SLTM: variants seen among roughly 807,000 people sequenced by gnomAD.
SLTM encodes SAFB like transcription modulator.
Under a neutral mutation model 134.6 loss-of-function variants are expected in SLTM, and 43 were observed. The observed-to-expected ratio is 0.32, with a 90% CI of 0.25 to 0.41. The LOEUF (loss-of-function observed/expected upper bound fraction) is 0.41, where lower values mean the gene tolerates loss of function less well. Among genes scored for constraint, SLTM ranks in the 10% least tolerant of loss-of-function variants. The probability of loss-of-function intolerance (pLI) is 1.00; values close to 1 mark genes in which losing one functional copy is unlikely to be tolerated. For synonymous variants in SLTM, 424 were observed against 432.3 expected (o/e 0.98, Z 0.24); for missense variants, 1,055 against 1,288.8 (o/e 0.82, Z 2.78).
chr15:58,896,574 A>G (rs566745050), intron 9 of SLTM, among the ~76,000 whole-genome samples: 85 of 152,210 alleles, frequency 5.6e-4, no homozygotes, highest in Middle Eastern at 6.8e-3. Context: ...AAGAAAAAAA[A>G]AAGTTTATAT....
At chr15:58,883,539 A>G (rs1185262529) in intron 20 of SLTM, 87 bp downstream of exon 20, 1 of 1,546,086 alleles carries the variant, frequency 6.5e-7, no homozygotes, top group Non-Finnish European at 8.8e-7. Context: ...AGTAGTTGCA[A>G]TTCAGTCTCT....
chr15:58,912,623 G>T lies in SLTM; in HGVS notation c.514-13C>A. The stretch of plus-strand genomic sequence containing the variant: ...GAGCTTCAATTTCCTAAGTAAAAGG[G>T]TATACAATAGCTTTGCTTTATAAAA... On this transcript the variant is annotated splice_polypyrimidine_tract_variant and intron_variant, in intron 4 of 20. Transcript: ENST00000380516. 1 of 1,591,318 alleles carries T rather than the reference G, an allele frequency of 6.3e-7. No homozygotes were observed. Among genetic ancestry groups the T allele is most frequent in the Non-Finnish European group, 8.6e-7 (1 of 1,165,380 alleles).
rs2035352595 is a variant in SLTM, at chr15:58,899,962, T to C, written c.590-25A>G. On this transcript the variant is annotated intron_variant, in intron 6 of 20. Transcript: ENST00000380516. The surrounding 1 kb of genome is among the most constrained non-coding windows in gnomAD (Gnocchi z 5.0). ...TCTAAGAGGATTTAACAGGAATAAATATGGCAAAACAAGAAGTTTAAACAA... is the reference window on the plus strand; with the variant it reads ...TCTAAGAGGATTTAACAGGAATAAACATGGCAAAACAAGAAGTTTAAACAA... 1.3e-6 allele frequency: 2 copies of C among 1,550,950 alleles called. No individual in the cohort carries two copies. Among genetic ancestry groups the C allele is most frequent in the East Asian group, 2.3e-5 (1 of 44,190 alleles).
intron 5 of SLTM, among the ~76,000 whole-genome samples, chr15:58,908,074 T>TA (rs2036000736): frequency 1.3e-5 from 2 of 150,880 alleles, no homozygotes; most frequent in Non-Finnish European, 3.0e-5. Context: ...TTTTTTTTTT[T>TA]AAGACAGAGT....
intron 1 of SLTM, 66 bp downstream of exon 1, chr15:58,933,312 TGCGGGCAGCCGGAGGCTGCGGCGGAA>T (rs1288582021): frequency 6.4e-6 from 9 of 1,401,774 alleles, no homozygotes; most frequent in Non-Finnish European, 8.5e-6. Flanking sequence ...TCCCAGCGGC[TGCGGGCAGCCGGAGGCTGCGGCGGAA>T]GCGGGGCGCC....
rs138442887 is a variant in SLTM at position 58,917,004 on chromosome 15, G to A, written c.251-5C>T. The A allele has an allele frequency of 1.4e-5, 23 of 1,612,846 alleles. No homozygotes were observed. The highest frequency in any genetic ancestry group is 3.3e-4 in the Middle Eastern group (2 of 6,050). ...CATCTGCTTCATGTTTTTTACCTGC[G>A]AAAGAAGGAAAATGGGCTAACAACC... On this transcript the variant is annotated splice_polypyrimidine_tract_variant and splice_region_variant and intron_variant, in intron 2 of 20. Coordinates refer to ENST00000380516, the MANE Select transcript of SLTM (RefSeq NM_024755.4).
chr15:58,886,851 C>A (rs777335236), intron 19 of SLTM, 124 bp downstream of exon 19: 2 of 1,146,706 alleles, frequency 1.7e-6, no homozygotes, highest in East Asian at 5.1e-5. Context: ...AAAATTAATG[C>A]CTCTGAATCA....
chr15:58,901,110 A>G (rs2035458336), intron 6 of SLTM, 150 bp downstream of exon 6: 1 of 683,456 alleles, frequency 1.5e-6, no homozygotes, highest in Non-Finnish European at 2.5e-6. Context: ...CAATTGGAAA[A>G]TAAAATCAAG....
chr15:58,883,973 C>G (rs1204356639), intron 19 of SLTM, among the ~76,000 whole-genome samples, 187 bp from the exon 20 acceptor site: 1 of 152,012 alleles, frequency 6.6e-6, no homozygotes, highest in South Asian at 2.1e-4. Context: ...GTACCCCACA[C>G]CTATAATCCC....
intron 8 of SLTM, chr15:58,898,153 A>G (rs2035226801): frequency 6.6e-6 from 1 of 152,164 alleles, no homozygotes; most frequent in Admixed American, 6.5e-5. Flanking sequence ...TGGAGGATGC[A>G]TACAATTCTC....
rs145302452 is a variant in SLTM at position 58,899,334 on chromosome 15, C to T, written c.1058+135G>A. ...GAAAATTTTTAAAAGTAACTTATGA[C>T]GGTCAAAAATATTATAGGCAGGATC... is the stretch of plus-strand genomic sequence containing the variant. On this transcript the variant is annotated intron_variant, in intron 7 of 20. Coordinates refer to ENST00000380516, the MANE Select transcript of SLTM (RefSeq NM_024755.4). The surrounding 1 kb of genome is among the most constrained non-coding windows in gnomAD (Gnocchi z 5.0). 3.5e-3 allele frequency: 2,494 copies of T among 712,494 alleles called. 8 individuals carry two copies. Among genetic ancestry groups the T allele is most frequent in the Non-Finnish European group, 4.8e-3 (2,070 of 433,708 alleles). The allele number at this position is 712,494 out of a possible 1,614,324, so 44.1% of individuals were successfully genotyped here. A position where few individuals can be genotyped will look rare whatever the true frequency, so the allele number is the denominator to read the frequency against.
Position 58,879,995 on chromosome 15 carries a change from A to G in SLTM, c.*4T>C. On this transcript the variant is annotated 3_prime_UTR_variant, in exon 21 of 21. Transcript: ENST00000380516. Reference sequence around the variant, plus strand: ...ATCTTAAAACCTTGGCAGAGAGCTCATTTTCAGAATCGTCGCGGAGGTCCA... The same window carrying G: ...ATCTTAAAACCTTGGCAGAGAGCTCGTTTTCAGAATCGTCGCGGAGGTCCA... 1 of 1,613,040 alleles carries G rather than the reference A, an allele frequency of 6.2e-7. No individual in the cohort carries two copies. The highest frequency in any genetic ancestry group is 8.5e-7 in the Non-Finnish European group (1 of 1,179,634).
chr15:58,893,224 A>C, intron 13 of SLTM, 55 bp downstream of exon 13: 2 of 1,491,552 alleles, frequency 1.3e-6, no homozygotes, highest in Non-Finnish European at 1.8e-6. Flanking sequence ...AAACAGAATT[A>C]TCTTCTTTTG....
At chr15:58,930,382 A>G (rs958069033) in intron 2 of SLTM, among the ~76,000 whole-genome samples, 2 of 148,610 alleles carry the variant, frequency 1.3e-5, no homozygotes, top group South Asian at 4.2e-4. Flanking sequence ...CACCCGCCTC[A>G]GCCTCTCAAA....
At position 58,883,384 on chromosome 15, in the gene SLTM, T is replaced by C. The variant is rs556898128; in HGVS notation, c.2996+242A>G. The C allele has an allele frequency of 1.6e-5, 8 of 507,782 alleles. No homozygotes were observed. The South Asian group carries it at 1.6e-4, about 10-fold the overall frequency. 31.5% of individuals were successfully genotyped at this position (507,782 alleles called of 1,614,324 possible). A position where few individuals can be genotyped will look rare whatever the true frequency, so the allele number is the denominator to read the frequency against. On this transcript the variant is annotated intron_variant, in intron 20 of 20. Transcript: ENST00000380516. ...GGATCCTGCCATACGTACATACCCATATCTATATCAACTTGCCAGAACGTC... is the reference window on the plus strand; with the variant it reads ...GGATCCTGCCATACGTACATACCCACATCTATATCAACTTGCCAGAACGTC...
chr15:58,908,196 GACC>G lies in SLTM; in HGVS notation c.561+4364_561+4366del, dbSNP rs535885072. Among the ~76,000 whole-genome samples the G allele has an allele frequency of 5.8e-3, 879 of 151,600 alleles. 2 individuals carry two copies. Among genetic ancestry groups the G allele is most frequent in the Non-Finnish European group, 9.8e-3 (663 of 67,878 alleles). On this transcript the variant is annotated intron_variant, in intron 5 of 20. Transcript: ENST00000380516. ...CTCGGTCTACCTCCTGAGTAGCTAG[GACC>G]ACAGGTGTGCACCACCACACCCAGC...
At chr15:58,913,369 C>T in intron 4 of SLTM, 130 bp downstream of exon 4, 2 of 723,706 alleles carry the variant, frequency 2.8e-6, no homozygotes, top group Non-Finnish European at 4.3e-6. Context: ...TTTTAGATGA[C>T]TTATAAGTAG....
intron 5 of SLTM, among the ~76,000 whole-genome samples, chr15:58,908,737 T>A (rs1339556412): frequency 6.6e-6 from 1 of 152,170 alleles, no homozygotes; most frequent in African/African-American, 2.4e-5. Flanking sequence ...TAGATATGTA[T>A]CAGTGGGTGA....
Position 58,883,707 on chromosome 15 carries a change from G to T in SLTM, c.2915C>A (p.Pro972His). The change falls in exon 20 of 21, where the codon CCC becomes CAC. Residue 972 changes from proline to histidine, a missense_variant. Transcript: ENST00000380516. ...SGPRKEWHGP[P>H]SQGPSYHDTR... ...ATCATGATAGCTAGGCCCTTGAGAG[G>T]GTGGACCATGCCACTCTTTCCTTGG... 17 of 1,613,754 alleles carry T rather than the reference G, an allele frequency of 1.1e-5. No homozygotes were observed. Among genetic ancestry groups the T allele is most frequent in the Non-Finnish European group, 1.4e-5 (17 of 1,179,948 alleles).
Sources: allele counts gnomAD v4.1 joint callset (sites outside exome capture counted in the v4.1 genomes callset), GRCh38; gene constraint gnomAD v4.1.1; non-coding constraint Gnocchi (gnomAD v3.1); transcripts MANE v1.5; gene names NCBI Gene and HGNC (gene_info 2026-07-23, HGNC 2026-07-21).